CSGALNACT1: variants seen among roughly 807,000 people sequenced by gnomAD.
The protein encoded by CSGALNACT1 is beta4GalNAcT-1.
In CSGALNACT1, 52 loss-of-function variants were observed where a neutral mutation model predicts 51.0. That is an observed-to-expected ratio of 1.02 (90% CI 0.82 to 1.29). The LOEUF (loss-of-function observed/expected upper bound fraction) is 1.29. Among genes scored for constraint, CSGALNACT1 ranks in the 50% most tolerant of loss-of-function variants. The pLI is 0.00. For synonymous variants in CSGALNACT1, 341 were observed against 254.4 expected, an observed-to-expected ratio of 1.34 and a Z score of -3.24; for missense variants, 935 against 679.2, an observed-to-expected ratio of 1.38 and a Z score of -4.19.
At chr8:19,666,484 C>T (rs1163212059) in intron 1 of CSGALNACT1, among the ~76,000 whole-genome samples, 1 of 151,832 alleles carries the variant, frequency 6.6e-6, no homozygotes, top group Admixed American at 6.6e-5. Flanking sequence ...CACTTCAGGT[C>T]AGGAGTTCAG....
intron 8 of CSGALNACT1, among the ~76,000 whole-genome samples, chr8:19,416,240 G>T (rs905769541): frequency 6.6e-6 from 1 of 151,368 alleles, no homozygotes; most frequent in African/African-American, 2.4e-5. Flanking sequence ...TCAGCCTGTG[G>T]AGTAGTTGGG....
chr8:19,558,733 T>C (rs897752788), intron 3 of CSGALNACT1, among the ~76,000 whole-genome samples: 2 of 152,132 alleles, frequency 1.3e-5, no homozygotes, highest in African/African-American at 4.8e-5. Flanking sequence ...GAAAAATTCT[T>C]TTCACACTGA....
intron 4 of CSGALNACT1, among the ~76,000 whole-genome samples, chr8:19,466,224 T>C (rs1006620344): frequency 6.6e-6 from 1 of 152,168 alleles, no homozygotes; most frequent in African/African-American, 2.4e-5. Context: ...CTGAGAGTGG[T>C]AAATACTGTC....
At chr8:19,577,025 T>C (rs2044385065) in intron 3 of CSGALNACT1, among the ~76,000 whole-genome samples, 1 of 151,916 alleles carries the variant, frequency 6.6e-6, no homozygotes, top group South Asian at 2.1e-4. Flanking sequence ...CTCAAAAGCA[T>C]GGAAACATCC....
intron 1 of CSGALNACT1, among the ~76,000 whole-genome samples, chr8:19,635,214 G>C (rs1051462362): frequency 1.3e-5 from 2 of 152,178 alleles, no homozygotes; most frequent in African/African-American, 4.8e-5. Context: ...GTCCTCTCCT[G>C]AGCCCACACT....
chr8:19,620,645 G>A (rs1346373421), intron 1 of CSGALNACT1, among the ~76,000 whole-genome samples: 1 of 152,096 alleles, frequency 6.6e-6, no homozygotes, highest in Non-Finnish European at 1.5e-5. Flanking sequence ...ACGTTGCCCA[G>A]GTAGGTCTTC....
exon 4 of CSGALNACT1, chr8:19,505,604 C>T: frequency 6.2e-7 from 1 of 1,614,096 alleles, no homozygotes; most frequent in Non-Finnish European, 8.5e-7. Flanking sequence ...GTGCGATCTG[C>T]CGCTTCAGGC....
rs1302335088 is a variant in CSGALNACT1, at chr8:19,613,335, A to T, written c.-543-11470T>A. On this transcript the variant is annotated intron_variant, in intron 1 of 9. Transcript: ENST00000332246. ...TAGCAATTATTCTATGATAAACCAA[A>T]AGTTAAAATATAGATCATCCCTTTC... Among the ~76,000 whole-genome samples, 4 of 152,238 alleles carry T rather than the reference A, an allele frequency of 2.6e-5. No individual in the cohort carries two copies. In the East Asian group the frequency reaches 7.7e-4, roughly 29 times the overall value.
chr8:19,665,668 C>T (rs181991028), intron 1 of CSGALNACT1, among the ~76,000 whole-genome samples: 24 of 152,220 alleles, frequency 1.6e-4, no homozygotes, highest in African/African-American at 5.1e-4. Flanking sequence ...CTTGGTTCTG[C>T]GACCAGAACC....
At chr8:19,426,727 A>G (rs1302567970) in intron 6 of CSGALNACT1, among the ~76,000 whole-genome samples, 2 of 152,214 alleles carry the variant, frequency 1.3e-5, no homozygotes, top group African/African-American at 4.8e-5. Context: ...TCATTTTTAT[A>G]GAGGTTATAA....
At position 19,755,456 on chromosome 8, in the gene CSGALNACT1, C is replaced by CAAAAAAAAAAAAAAAAAAAAAAAAAAAAA. The variant is rs71205945; in HGVS notation, c.-297+2393_-297+2394insTTTTTTTTTTTTTTTTTTTTTTTTTTTTT. 1.7e-3 allele frequency among the ~76,000 whole-genome samples: 129 copies of CAAAAAAAAAAAAAAAAAAAAAAAAAAAAA among 74,522 alleles called. 15 individuals are homozygous for CAAAAAAAAAAAAAAAAAAAAAAAAAAAAA. Among genetic ancestry groups the CAAAAAAAAAAAAAAAAAAAAAAAAAAAAA allele is most frequent in the East Asian group, 7.6e-3 (13 of 1,714 alleles). The allele number at this position is 74,522 out of a possible 152,430, so 48.9% of individuals were successfully genotyped here. A position where few individuals can be genotyped will look rare whatever the true frequency, so the allele number is the denominator to read the frequency against. ...GGGGATCCCTAAATGTAAAGAAAGA[C>CAAAAAAAAAAAAAAAAAAAAAAAAAAAAA]AAAAAAAAAAAAAAAAAAAAAAAAA... On this transcript the variant is annotated intron_variant, in intron 1 of 1. Coordinates refer to the CSGALNACT1 transcript ENST00000517494.
intron 4 of CSGALNACT1, among the ~76,000 whole-genome samples, chr8:19,490,163 T>G (rs901190682): frequency 6.6e-6 from 1 of 152,180 alleles, no homozygotes; most frequent in African/African-American, 2.4e-5. Context: ...CAGCTCCTCT[T>G]TAAATAGCGC....
intron 4 of CSGALNACT1, among the ~76,000 whole-genome samples, chr8:19,477,110 A>G (rs1227902931): frequency 6.6e-6 from 1 of 152,246 alleles, no homozygotes. Flanking sequence ...GTTTTGCTGT[A>G]TGTTCTCTGA....
At chr8:19,450,334 G>C (rs1345364754) in intron 5 of CSGALNACT1, among the ~76,000 whole-genome samples, 1 of 151,714 alleles carries the variant, frequency 6.6e-6, no homozygotes, top group Non-Finnish European at 1.5e-5. Context: ...AGAGGAAGAG[G>C]AAGAGTAAGT....
At chr8:19,656,016 C>T (rs955212640) in intron 1 of CSGALNACT1, among the ~76,000 whole-genome samples, 3 of 152,040 alleles carry the variant, frequency 2.0e-5, no homozygotes, top group Non-Finnish European at 4.4e-5. Context: ...GGAGGTTGAG[C>T]AGGATTTGAT....
intron 3 of CSGALNACT1, among the ~76,000 whole-genome samples, chr8:19,520,501 T>C (rs1191947943): frequency 1.3e-5 from 2 of 152,214 alleles, no homozygotes; most frequent in East Asian, 3.8e-4. Context: ...TAGTCAGCAA[T>C]CTCTACTAGG....
intron 7 of CSGALNACT1, among the ~76,000 whole-genome samples, chr8:19,419,434 C>G (rs1329146364): frequency 6.6e-6 from 1 of 152,146 alleles, no homozygotes; most frequent in African/African-American, 2.4e-5. Context: ...GGCAGTTGGA[C>G]TAGACTTAGA....
chr8:19,544,085 T>C (rs2085907422), intron 3 of CSGALNACT1, among the ~76,000 whole-genome samples: 1 of 147,610 alleles, frequency 6.8e-6, no homozygotes, highest in African/African-American at 2.5e-5. Context: ...CTTTTTTTTT[T>C]TTTTAAACAA....
intron 1 of CSGALNACT1, among the ~76,000 whole-genome samples, chr8:19,691,722 C>T (rs997716045): frequency 2.6e-5 from 4 of 152,178 alleles, no homozygotes; most frequent in Non-Finnish European, 4.4e-5. Flanking sequence ...AGCCTCAGCT[C>T]CTCTGCTGTA....
Sources: allele counts gnomAD v4.1 joint callset (sites outside exome capture counted in the v4.1 genomes callset), GRCh38; gene constraint gnomAD v4.1.1; transcripts MANE v1.5; gene names NCBI Gene and HGNC (gene_info 2026-07-23, HGNC 2026-07-21).